Variants in GALNT18 observed in about 807,000 individuals in gnomAD.
GALNT18 encodes polypeptide N-acetylgalactosaminyltransferase 18, also known as GalNAc-transferase 18.
In GALNT18, 44 loss-of-function variants were observed where a neutral mutation model predicts 69.5. That is an observed-to-expected ratio of 0.63 (90% CI 0.50 to 0.81). The LOEUF is 0.81. GALNT18 is among the 40% of genes least tolerant of loss of function. The pLI, the probability that GALNT18 is intolerant of heterozygous loss-of-function variation, is 0.00. For missense variants in GALNT18, 715 were observed against 810.0 expected (o/e 0.88, Z 1.42); for synonymous variants, 364 against 318.2 (o/e 1.14, Z -1.53).
chr11:11,297,340 C>T (rs1056592258), intron 9 of GALNT18, among the ~76,000 whole-genome samples: 2 of 152,182 alleles, frequency 1.3e-5, no homozygotes, highest in African/African-American at 4.8e-5. Context: ...AGCAATAACT[C>T]ATGAGGCAGG....
At position 11,604,550 on chromosome 11, in the gene GALNT18, C is replaced by T. The variant is rs947628004; in HGVS notation, c.235+16809G>A. Among the ~76,000 whole-genome samples the T allele has an allele frequency of 3.3e-5, 5 of 152,184 alleles. No homozygotes were observed. Among genetic ancestry groups the T allele is most frequent in the Non-Finnish European group, 5.9e-5 (4 of 68,022 alleles). ...GGCAAGTCCAAGTGACTCCAGACCC[C>T]GCCTGGCACCAAGTCTGCATGGCGG... On this transcript the variant is annotated intron_variant, in intron 1 of 10. Transcript: ENST00000227756. This position sits in a 1 kb window ranked among gnomAD's most constrained non-coding sequence, Gnocchi z 5.6.
chr11:11,506,403 T>C (rs1362192734), intron 1 of GALNT18, among the ~76,000 whole-genome samples: 2 of 152,186 alleles, frequency 1.3e-5, no homozygotes, highest in Non-Finnish European at 2.9e-5. Flanking sequence ...GGATGTCAAA[T>C]ACACCATCTA....
In GALNT18 at chr11:11,281,249, G is replaced by A. The variant is rs556249383; in HGVS notation, c.1678-9959C>T. On this transcript the variant is annotated intron_variant, in intron 10 of 10. Coordinates refer to ENST00000227756, the MANE Select transcript of GALNT18 (RefSeq NM_198516.3). ...CTGAGGACACAGCTGCTTTCCTGGC[G>A]GTTAGCTGTGTGGCCTGGGCAAGCC... Among the ~76,000 whole-genome samples the A allele has an allele frequency of 1.2e-3, 181 of 152,278 alleles. 2 individuals carry two copies. The highest frequency in any genetic ancestry group is 4.1e-3 in the African/African-American group (170 of 41,532).
At chr11:11,407,472 G>T (rs867046441) in intron 3 of GALNT18, among the ~76,000 whole-genome samples, 7 of 152,208 alleles carry the variant, frequency 4.6e-5, no homozygotes, top group Non-Finnish European at 7.3e-5. Flanking sequence ...CAGCACACAC[G>T]TCTCTGTTCT....
At chr11:11,391,667 C>T (rs1324456712) in intron 3 of GALNT18, among the ~76,000 whole-genome samples, 1 of 152,210 alleles carries the variant, frequency 6.6e-6, no homozygotes, top group Non-Finnish European at 1.5e-5. Flanking sequence ...TACAAATGCG[C>T]AAAATGAGGC....
intron 1 of GALNT18, among the ~76,000 whole-genome samples, chr11:11,489,165 G>T (rs1856706919): frequency 6.6e-6 from 1 of 152,192 alleles, no homozygotes; most frequent in East Asian, 1.9e-4. Flanking sequence ...TGAATGAAAA[G>T]CTTTATGGAG....
intron 10 of GALNT18, among the ~76,000 whole-genome samples, chr11:11,279,119 G>C (rs1849012091): frequency 6.6e-6 from 1 of 152,120 alleles, no homozygotes; most frequent in Admixed American, 6.5e-5. Context: ...CTACACGAGA[G>C]CTGGTCATTT....
rs377427846 is a variant in GALNT18 at position 11,332,669 on chromosome 11, A to G, written c.1416+25T>C. 1.2e-6 allele frequency: 2 copies of G among 1,612,074 alleles called. No homozygotes were observed. Among genetic ancestry groups the G allele is most frequent in the African/African-American group, 2.7e-5 (2 of 74,834 alleles). ...TTTCTTTCTGTCTGTGTCTGAATGA[A>G]ACCCGGAGGAGGCCAGCTCCTTACC... On this transcript the variant is annotated intron_variant, in intron 8 of 10. Transcript: ENST00000227756. This position sits in a 1 kb window ranked among gnomAD's most constrained non-coding sequence, Gnocchi z 4.3.
At chr11:11,550,322 C>A (rs1858158791) in intron 1 of GALNT18, among the ~76,000 whole-genome samples, 1 of 152,230 alleles carries the variant, frequency 6.6e-6, no homozygotes, top group South Asian at 2.1e-4. Flanking sequence ...CTTCGGACCT[C>A]TCAGAAAATG....
chr11:11,274,864 T>C (rs1848906967), intron 10 of GALNT18, among the ~76,000 whole-genome samples: 1 of 152,260 alleles, frequency 6.6e-6, no homozygotes, highest in Non-Finnish European at 1.5e-5. Flanking sequence ...TCCAGCTTCA[T>C]CCATGGGACA....
rs1859696635 is a variant in GALNT18 at position 11,604,298 on chromosome 11, T to C, written c.235+17061A>G. Among the ~76,000 whole-genome samples the C allele has an allele frequency of 6.6e-6, 1 of 152,220 alleles. No individual in the cohort carries two copies. Among genetic ancestry groups the C allele is most frequent in the Non-Finnish European group, 1.5e-5 (1 of 68,034 alleles). On this transcript the variant is annotated intron_variant, in intron 1 of 10. Coordinates refer to ENST00000227756, the MANE Select transcript of GALNT18 (RefSeq NM_198516.3). This position sits in a 1 kb window ranked among gnomAD's most constrained non-coding sequence, Gnocchi z 5.6. ...TTATTGAATGTCTTATTCTCCTTCA[T>C]TGTGCATGGTCTCCATCAGTGGCAC...
At chr11:11,570,603 G>T (rs1437517498) in intron 1 of GALNT18, among the ~76,000 whole-genome samples, 2 of 152,202 alleles carry the variant, frequency 1.3e-5, no homozygotes, top group Non-Finnish European at 1.5e-5. Flanking sequence ...CAGTCTCAAA[G>T]CTCCCCCTGG....
rs1365428135 is a variant in GALNT18, at chr11:11,317,922, AG to A, written c.1512+9163del. Reference sequence around the variant, plus strand: ...CATCCTTCCTAGTCCCATCTTTGCCAGTAACTTGCAGTGTGACTTCAGGCAA... The same window carrying A: ...CATCCTTCCTAGTCCCATCTTTGCCATAACTTGCAGTGTGACTTCAGGCAA... On this transcript the variant is annotated intron_variant, in intron 9 of 10. Transcript: ENST00000227756. Among the ~76,000 whole-genome samples the A allele has an allele frequency of 5.9e-5, 9 of 152,264 alleles. No homozygotes were observed. The South Asian group carries it at 1.9e-3, about 32-fold the overall frequency.
chr11:11,608,283 A>T (rs909199728), intron 1 of GALNT18, among the ~76,000 whole-genome samples: 14 of 152,206 alleles, frequency 9.2e-5, no homozygotes, highest in African/African-American at 3.4e-4. Context: ...GAATGAAGGA[A>T]GACTGAAAAA....
chr11:11,462,601 T>C (rs901371416), intron 1 of GALNT18, among the ~76,000 whole-genome samples: 6 of 152,086 alleles, frequency 3.9e-5, no homozygotes, highest in Non-Finnish European at 7.4e-5. Context: ...CCCTTCCTTT[T>C]CTTTAGGCTG....
intron 1 of GALNT18, among the ~76,000 whole-genome samples, chr11:11,560,778 C>A (rs1263331762): frequency 6.6e-6 from 1 of 152,198 alleles, no homozygotes; most frequent in Non-Finnish European, 1.5e-5. Context: ...CCCTCAGACC[C>A]CACTGGGCCT....
intron 1 of GALNT18, among the ~76,000 whole-genome samples, chr11:11,482,292 G>A (rs1030048762): frequency 4.6e-5 from 7 of 152,232 alleles, no homozygotes; most frequent in Admixed American, 1.3e-4. Context: ...TGGGCACGCC[G>A]TCACTGTGCA....
At chr11:11,503,698 C>A in intron 1 of GALNT18, among the ~76,000 whole-genome samples, 1 of 152,220 alleles carries the variant, frequency 6.6e-6, no homozygotes, top group Non-Finnish European at 1.5e-5. Context: ...GTATTCCCTG[C>A]GGATTATGAG....
intron 1 of GALNT18, 54 bp from the exon 2 acceptor site, chr11:11,448,990 C>A: frequency 7.4e-7 from 1 of 1,352,454 alleles, no homozygotes; most frequent in East Asian, 2.5e-5. Context: ...CTGCATGTGC[C>A]ATGACAATCC....
Sources: allele counts gnomAD v4.1 joint callset (sites outside exome capture counted in the v4.1 genomes callset), GRCh38; gene constraint gnomAD v4.1.1; non-coding constraint Gnocchi (gnomAD v3.1); transcripts MANE v1.5; gene names NCBI Gene and HGNC (gene_info 2026-07-23, HGNC 2026-07-21).